Variants in IPP observed in about 807,000 individuals in gnomAD.
The protein encoded by IPP is intracisternal A particle-promoted polypeptide.
In IPP, 41 loss-of-function variants were observed where a neutral mutation model predicts 64.1. The ratio of observed to expected loss-of-function variants is 0.64; its 90% CI spans 0.50 to 0.83. The LOEUF (loss-of-function observed/expected upper bound fraction) is 0.83. Among genes scored for constraint, IPP ranks in the 40% least tolerant of loss-of-function variants. The pLI is 0.00. For synonymous variants in IPP, 214 were observed against 235.2 expected (o/e 0.91, Z 0.83); for missense variants, 649 against 703.0 (o/e 0.92, Z 0.87).
At chr1:45,708,406 C>T (rs1311514252) in intron 8 of IPP, among the ~76,000 whole-genome samples, 16 of 148,432 alleles carry the variant, frequency 1.1e-4, no homozygotes, top group South Asian at 2.3e-4. Context: ...GGGCCAGGCG[C>T]GGTGGCTCAC....
chr1:45,706,389 C>G (rs1645512617), intron 8 of IPP, among the ~76,000 whole-genome samples: 1 of 152,110 alleles, frequency 6.6e-6, no homozygotes, highest in Non-Finnish European at 1.5e-5. Context: ...TTACTTAAGT[C>G]CGGGAGTTTG....
In IPP at chr1:45,719,351, TAA is replaced by T. The variant is rs770989411; in HGVS notation, c.1049-13_1049-12del. The T allele has an allele frequency of 1.7e-5, 27 of 1,555,644 alleles. No individual in the cohort carries two copies. The highest frequency in any genetic ancestry group is 2.2e-5 in the Non-Finnish European group (25 of 1,142,640). On this transcript the variant is annotated splice_polypyrimidine_tract_variant and intron_variant, in intron 5 of 8. Coordinates refer to ENST00000396478, the MANE Select transcript of IPP (RefSeq NM_005897.3). ...TTGAATCCTTTTCACCTGAGTTAAA[TAA>T]AAGAGACAAATATTATAAAGTTTAG... is the stretch of plus-strand genomic sequence containing the variant.
chr1:45,727,735 C>G lies in IPP; in HGVS notation c.944G>C (p.Arg315Pro), dbSNP rs756644670. The change falls in exon 5 of 9, where the codon CGT becomes CCT. Residue 315 changes from arginine to proline, a missense_variant. Arg to Pro is a moderately radical substitution (Grantham distance 103). Coordinates refer to ENST00000396478, the MANE Select transcript of IPP (RefSeq NM_005897.3). ...CCAGTACTGGCTAAAGGTGTCAAAACGTTCTACACAGCTGAGGGCTCTGCT... is the reference window on the plus strand; with the variant it reads ...CCAGTACTGGCTAAAGGTGTCAAAAGGTTCTACACAGCTGAGGGCTCTGCT... Reference protein sequence around the residue: ...SDSRALSCVERFDTFSQYWTT... With the variant: ...SDSRALSCVEPFDTFSQYWTT... 6.3e-7 allele frequency: 1 copy of G among 1,596,322 alleles called. No individual in the cohort carries two copies. Among genetic ancestry groups the G allele is most frequent in the Admixed American group, 1.7e-5 (1 of 59,782 alleles).
intron 8 of IPP, among the ~76,000 whole-genome samples, chr1:45,705,024 CA>C (rs1645498448): frequency 6.6e-6 from 1 of 152,240 alleles, no homozygotes; most frequent in South Asian, 2.1e-4. Flanking sequence ...CTGCTACTCT[CA>C]ACACACTGTC....
chr1:45,723,435 C>A (rs970202603), intron 5 of IPP, among the ~76,000 whole-genome samples: 8 of 152,132 alleles, frequency 5.3e-5, no homozygotes, highest in Non-Finnish European at 1.2e-4. Context: ...TCTGTGGTAT[C>A]AGGGGATGGA....
chr1:45,739,320 A>ACCT (rs1221666153), intron 3 of IPP, among the ~76,000 whole-genome samples: 1 of 150,062 alleles, frequency 6.7e-6, no homozygotes, highest in Non-Finnish European at 1.5e-5. Flanking sequence ...TGTAGCCTTG[A>ACCT]CCTCCTGGAC....
intron 3 of IPP, 51 bp downstream of exon 3, chr1:45,740,850 C>T (rs766748531): frequency 1.7e-6 from 2 of 1,168,078 alleles, no homozygotes; most frequent in Admixed American, 2.4e-5. Flanking sequence ...TTTCAGAGAA[C>T]ACATCACTGG....
At chr1:45,709,655 T>G (rs1194833171) in intron 8 of IPP, among the ~76,000 whole-genome samples, 33 of 140,232 alleles carry the variant, frequency 2.4e-4, no homozygotes, top group African/African-American at 7.5e-4. Context: ...TGGAACCCCA[T>G]CTCTACTAAA....
intron 8 of IPP, among the ~76,000 whole-genome samples, chr1:45,712,299 A>G (rs796800608): frequency 8.0e-5 from 1 of 12,530 alleles, no homozygotes; most frequent in Non-Finnish European, 1.7e-4. Context: ...GACGACGTCT[A>G]AAAAAAAAAA....
At chr1:45,708,679 CAAAA>C (rs770829388) in intron 8 of IPP, among the ~76,000 whole-genome samples, 2 of 36,032 alleles carry the variant, frequency 5.6e-5, no homozygotes, top group East Asian at 8.8e-4. Context: ...AACTCACCTC[CAAAA>C]AAAAAAAAAA....
At chr1:45,711,031 CA>C (rs1192979078) in intron 8 of IPP, among the ~76,000 whole-genome samples, 122 of 84,732 alleles carry the variant, frequency 1.4e-3, no homozygotes, top group Admixed American at 1.5e-3. Flanking sequence ...AACAAACAAA[CA>C]AAAAAAAAAA....
Position 45,741,222 on chromosome 1 carries a change from C to A in IPP, c.403G>T (p.Asp135Tyr). Reference sequence around the variant, plus strand: ...AAAATTCCAATGCAGTTCAGTGGATCAATTTGTCCTTTCAGAAATTCACAG... The same window carrying A: ...AAAATTCCAATGCAGTTCAGTGGATAAATTTGTCCTTTCAGAAATTCACAG... ...LCCEFLKGQI[D>Y]PLNCIGIFQF... The change falls in exon 3 of 9, where the codon GAT (aspartate) becomes TAT (tyrosine). Residue 135 changes from aspartate (D) to tyrosine (Y), a missense_variant. Physicochemically the swap from Asp to Tyr is radical, Grantham distance 160. Transcript: ENST00000396478. 3 of 1,614,114 alleles carry A rather than the reference C, an allele frequency of 1.9e-6. No individual in the cohort carries two copies. The highest frequency in any genetic ancestry group is 2.5e-6 in the Non-Finnish European group (3 of 1,179,982).
chr1:45,737,042 CAAAAA>C (rs367755391), intron 3 of IPP, among the ~76,000 whole-genome samples: 1 of 112,788 alleles, frequency 8.9e-6, no homozygotes, highest in Non-Finnish European at 1.7e-5. Flanking sequence ...GACTCCATCT[CAAAAA>C]AAAAAAAAAA....
At chr1:45,740,868 A>G (rs28507722) in intron 3 of IPP, 33 bp downstream of exon 3, 402,586 of 1,350,612 alleles carry the variant, frequency 0.3, 60,978 homozygotes, top group South Asian at 0.36. Flanking sequence ...TGGATAATTA[A>G]TCAACTAATT....
chr1:45,697,740 C>G (rs1645399597), downstream of IPP, among the ~76,000 whole-genome samples: 1 of 151,686 alleles, frequency 6.6e-6, no homozygotes, highest in Non-Finnish European at 1.5e-5. Flanking sequence ...GGGCAGATCA[C>G]AAGGTCAGGA....
At chr1:45,697,727 G>C (rs1054450200), downstream of IPP, among the ~76,000 whole-genome samples, 3 of 152,022 alleles carry the variant, frequency 2.0e-5, no homozygotes, top group African/African-American at 7.2e-5. Flanking sequence ...GGGAGGCCAA[G>C]GTGGGCAGAT....
At chr1:45,740,429 G>A (rs1311779004) in intron 3 of IPP, among the ~76,000 whole-genome samples, 2 of 152,004 alleles carry the variant, frequency 1.3e-5, no homozygotes, top group Non-Finnish European at 2.9e-5. Flanking sequence ...CCTCCCGGAC[G>A]GGGCGGCTGG....
intron 3 of IPP, 75 bp downstream of exon 3, chr1:45,740,826 A>G (rs1646052886): frequency 2.1e-6 from 2 of 972,584 alleles, no homozygotes; most frequent in East Asian, 2.5e-5. Flanking sequence ...AAAAAATGAA[A>G]ACACTCTCCC....
intron 3 of IPP, among the ~76,000 whole-genome samples, chr1:45,738,567 G>A (rs904065729): frequency 6.6e-6 from 1 of 151,922 alleles, no homozygotes; most frequent in Non-Finnish European, 1.5e-5. Context: ...TAGGCCGGGC[G>A]TAGTGGCTCA....
Sources: gnomAD v4.1 joint callset for allele counts (sites outside exome capture counted in the v4.1 genomes callset) on GRCh38, gnomAD v4.1.1 for gene constraint, MANE v1.5 for transcripts, NCBI Gene and HGNC (gene_info 2026-07-23, HGNC 2026-07-21) for gene names.